Variants in PRKCA observed in about 807,000 individuals in gnomAD.
The protein encoded by PRKCA is protein kinase C alpha.
Under a neutral mutation model 87.0 loss-of-function variants are expected in PRKCA, and 27 were observed. The observed-to-expected ratio is 0.31, with a 90% CI of 0.23 to 0.43. The LOEUF is 0.43. Ranked by LOEUF, PRKCA falls within the 20% of genes least tolerant of loss-of-function variation. The probability of loss-of-function intolerance (pLI) is 1.00; values close to 1 mark genes in which losing one functional copy is unlikely to be tolerated. For synonymous variants in PRKCA, 329 were observed against 311.1 expected (o/e 1.06, Z -0.61); for missense variants, 518 against 852.3 (o/e 0.61, Z 4.88).
At chr17:66,736,567 C>T (rs761469391) in intron 10 of PRKCA, among the ~76,000 whole-genome samples, 2 of 152,180 alleles carry the variant, frequency 1.3e-5, no homozygotes, top group Admixed American at 1.3e-4. Context: ...CATGAGCCAC[C>T]GCACCTGGCC....
At chr17:66,735,399 T>A in intron 9 of PRKCA, 90 bp from the exon 10 acceptor site, 1 of 1,359,112 alleles carries the variant, frequency 7.4e-7, no homozygotes, top group Non-Finnish European at 1.0e-6. Flanking sequence ...GCACAAACTG[T>A]CACTGAGCCG....
At chr17:66,436,421 C>T (rs1426047979) in intron 2 of PRKCA, among the ~76,000 whole-genome samples, 1 of 152,174 alleles carries the variant, frequency 6.6e-6, no homozygotes, top group African/African-American at 2.4e-5. Flanking sequence ...TAGCACCTAC[C>T]TCAGAAGGTG....
intron 2 of PRKCA, among the ~76,000 whole-genome samples, chr17:66,341,545 C>T (rs1907045748): frequency 6.6e-6 from 1 of 152,156 alleles, no homozygotes. Context: ...AACATCTCAC[C>T]TCGAAAGAAG....
intron 15 of PRKCA, among the ~76,000 whole-genome samples, chr17:66,788,047 A>C (rs1975443304): frequency 6.6e-6 from 1 of 152,194 alleles, no homozygotes; most frequent in Non-Finnish European, 1.5e-5. Flanking sequence ...ATATGCACAC[A>C]CTTTGGTTGA....
chr17:66,735,509 G>A lies in PRKCA; in HGVS notation c.1077G>A (p.Lys359=). 1 of 1,614,114 alleles carries A rather than the reference G, an allele frequency of 6.2e-7. No homozygotes were observed. The highest frequency in any genetic ancestry group is 8.5e-7 in the Non-Finnish European group (1 of 1,180,014). The change falls in exon 10 of 17, where the codon AAG becomes AAA. Residue 359 remains lysine, a synonymous_variant. Coordinates refer to ENST00000413366, the MANE Select transcript of PRKCA (RefSeq NM_002737.3). The part of the protein sequence containing the change: ...SFGKVMLADR[K]GTEELYAIKI... ...CTCAGGTGATGCTTGCCGACAGGAA[G>A]GGCACAGAAGAACTGTATGCAATCA... is the stretch of plus-strand genomic sequence containing the variant.
chr17:66,435,913 T>A (rs1598669136), intron 2 of PRKCA, among the ~76,000 whole-genome samples: 1 of 152,122 alleles, frequency 6.6e-6, no homozygotes, highest in South Asian at 2.1e-4. Context: ...CCATGCTCTG[T>A]TGAACCTAGT....
intron 3 of PRKCA, among the ~76,000 whole-genome samples, chr17:66,500,113 C>T (rs1296423800): frequency 3.3e-5 from 5 of 152,150 alleles, no homozygotes; most frequent in Admixed American, 3.3e-4. Context: ...CCTTTTAGCC[C>T]TTCTGTCATG....
chr17:66,580,266 T>G (rs890583043), intron 3 of PRKCA, among the ~76,000 whole-genome samples: 1 of 152,202 alleles, frequency 6.6e-6, no homozygotes, highest in Non-Finnish European at 1.5e-5. Flanking sequence ...TGACCAGCAT[T>G]ACTCCCCTAG....
At chr17:66,362,131 G>C (rs1567790047) in intron 2 of PRKCA, among the ~76,000 whole-genome samples, 2 of 152,140 alleles carry the variant, frequency 1.3e-5, no homozygotes, top group Non-Finnish European at 2.9e-5. Context: ...TGCCTCCCGG[G>C]TTCAAGCGAT....
At chr17:66,571,961 G>C (rs1394908443) in intron 3 of PRKCA, among the ~76,000 whole-genome samples, 1 of 152,160 alleles carries the variant, frequency 6.6e-6, no homozygotes, top group Admixed American at 6.5e-5. Flanking sequence ...TCCATCCAGT[G>C]TGCCACTCCG....
At chr17:66,538,041 T>A (rs1269337696) in intron 3 of PRKCA, among the ~76,000 whole-genome samples, 2 of 152,134 alleles carry the variant, frequency 1.3e-5, no homozygotes, top group Non-Finnish European at 2.9e-5. Context: ...GCTCAGGCAA[T>A]CTGCCCGCCT....
chr17:66,531,828 G>A lies in PRKCA; in HGVS notation c.288+35545G>A, dbSNP rs140360419. On this transcript the variant is annotated intron_variant, in intron 3 of 16. Transcript: ENST00000413366. ...CTGCAAGTCCTGGTTGGTGACCAGG[G>A]ACTTGAAGAGTAGACTTTCTTCTCA... 9.8e-5 allele frequency among the ~76,000 whole-genome samples: 15 copies of A among 152,298 alleles called. No homozygotes were observed. The East Asian group carries it at 2.7e-3, about 27-fold the overall frequency.
chr17:66,525,177 T>C (rs1187431075), intron 3 of PRKCA, among the ~76,000 whole-genome samples: 1 of 152,104 alleles, frequency 6.6e-6, no homozygotes, highest in African/African-American at 2.4e-5. Context: ...ATTACCCTCC[T>C]GGAGGATGAG....
chr17:66,586,164 C>T (rs1328867718), intron 3 of PRKCA, among the ~76,000 whole-genome samples: 2 of 152,144 alleles, frequency 1.3e-5, no homozygotes, highest in Non-Finnish European at 2.9e-5. Flanking sequence ...GGCACCATAA[C>T]CTTGTTGATC....
chr17:66,752,244 A>G lies in PRKCA; in HGVS notation c.1524+9484A>G, dbSNP rs960215762. Among the ~76,000 whole-genome samples the G allele has an allele frequency of 3.3e-5, 5 of 152,214 alleles. 1 individual carries two copies. The East Asian group carries it at 9.6e-4, about 29-fold the overall frequency. ...CGGAAAGCCTTGTCCATTATTTGGC[A>G]GTTGTTTCAATTATCTATTGATGTG... On this transcript the variant is annotated intron_variant, in intron 13 of 16. Transcript: ENST00000413366.
At chr17:66,436,479 G>C (rs570753981) in intron 2 of PRKCA, among the ~76,000 whole-genome samples, 2 of 152,328 alleles carry the variant, frequency 1.3e-5, no homozygotes, top group Non-Finnish European at 2.9e-5. Flanking sequence ...TTAGAACAGT[G>C]CCTGGCGTGT....
chr17:66,371,898 G>A (rs906350550), intron 2 of PRKCA, among the ~76,000 whole-genome samples: 4 of 152,278 alleles, frequency 2.6e-5, no homozygotes, highest in African/African-American at 7.2e-5. Flanking sequence ...GCGTATTATA[G>A]GCGTCTCATA....
chr17:66,431,101 A>G (rs1275523950), intron 2 of PRKCA, among the ~76,000 whole-genome samples: 1 of 152,214 alleles, frequency 6.6e-6, no homozygotes, highest in Non-Finnish European at 1.5e-5. Flanking sequence ...TTGTTTGTGT[A>G]CCACTAATGA....
intron 2 of PRKCA, among the ~76,000 whole-genome samples, chr17:66,321,459 G>A (rs988414363): frequency 1.3e-4 from 20 of 152,138 alleles, no homozygotes; most frequent in Admixed American, 9.2e-4. Context: ...TTTCCATGTC[G>A]CCTTCTTTAT....
Sources: gnomAD v4.1 joint callset for allele counts (sites outside exome capture counted in the v4.1 genomes callset) on GRCh38, gnomAD v4.1.1 for gene constraint, MANE v1.5 for transcripts, NCBI Gene and HGNC (gene_info 2026-07-23, HGNC 2026-07-21) for gene names.